The following DOP1A variants were observed in gnomAD, a reference collection of about 807,000 sequenced individuals.
DOP1A encodes DOP1 leucine zipper like protein A.
In DOP1A, 90 loss-of-function variants were observed where a neutral mutation model predicts 267.6. The observed-to-expected ratio is 0.34, with a 90% CI of 0.28 to 0.40. The LOEUF (loss-of-function observed/expected upper bound fraction) is 0.40. Among genes scored for constraint, DOP1A ranks in the 10% least tolerant of loss-of-function variants. DOP1A has a pLI of 1.00. For synonymous variants in DOP1A, 932 were observed against 999.1 expected (o/e 0.93, Z 1.27); for missense variants, 2,437 against 2,900.4 (o/e 0.84, Z 3.67).
At chr6:83,106,502 A>C (rs992741623) in intron 4 of DOP1A, among the ~76,000 whole-genome samples, 3 of 152,130 alleles carry the variant, frequency 2.0e-5, no homozygotes, top group Non-Finnish European at 4.4e-5. Flanking sequence ...AATGAAAAAG[A>C]GTCAGAAATA....
chr6:83,068,562 CA>C (rs530253765), intron 1 of DOP1A, among the ~76,000 whole-genome samples: 8 of 151,536 alleles, frequency 5.3e-5, no homozygotes, highest in African/African-American at 1.7e-4. Flanking sequence ...CTAAAGCAGT[CA>C]AAAAAAATGA....
chr6:83,093,423 T>G (rs926597447), intron 1 of DOP1A, among the ~76,000 whole-genome samples: 1 of 152,236 alleles, frequency 6.6e-6, no homozygotes, highest in Admixed American at 6.5e-5. Flanking sequence ...GATTTGTAGC[T>G]TTTTTCAGTA....
intron 35 of DOP1A, 152 bp downstream of exon 35, chr6:83,157,470 A>T: frequency 1.2e-6 from 1 of 824,160 alleles, no homozygotes; most frequent in Non-Finnish European, 1.9e-6. Flanking sequence ...AAATAGTAAA[A>T]CAAGTCAGAT....
chr6:83,132,118 TA>T lies in DOP1A; in HGVS notation c.2617-57del. ...GCATTCATTTGTACCTAATAGGAAA[TA>T]TTTGTTAAATTTTCATGTATGGTAT... On this transcript the variant is annotated intron_variant, in intron 17 of 38. Coordinates refer to ENST00000349129, the MANE Select transcript of DOP1A (RefSeq NM_015018.4). 3.8e-6 allele frequency: 6 copies of T among 1,563,768 alleles called. No individual in the cohort carries two copies. The South Asian group carries it at 6.9e-5, about 18-fold the overall frequency.
chr6:83,144,960 C>A (rs688683), intron 24 of DOP1A, among the ~76,000 whole-genome samples: 31,141 of 147,064 alleles, frequency 0.21, 3,402 homozygotes, highest in Non-Finnish European at 0.24. Flanking sequence ...AAAAAATTAT[C>A]TGGGCATAGT....
chr6:83,091,487 TA>T (rs965281376), intron 1 of DOP1A, among the ~76,000 whole-genome samples: 2 of 151,934 alleles, frequency 1.3e-5, no homozygotes, highest in East Asian at 1.9e-4. Context: ...ATTTATTGCC[TA>T]AAAAAAAGTA....
At chr6:83,105,949 C>T (rs1773536862) in intron 4 of DOP1A, among the ~76,000 whole-genome samples, 1 of 152,096 alleles carries the variant, frequency 6.6e-6, no homozygotes, top group Admixed American at 6.5e-5. Flanking sequence ...ATCTAGAATA[C>T]CATTTCTAAA....
intron 38 of DOP1A, chr6:83,166,741 A>G (rs564669438): frequency 1.8e-6 from 2 of 1,138,326 alleles, no homozygotes; most frequent in South Asian, 3.8e-5. Context: ...GAGAGCACAT[A>G]GAAGAAAATA....
rs1240590089 is a variant in DOP1A at position 83,118,974 on chromosome 6, T to C, written c.867T>C (p.Tyr289=). Residue 289 remains tyrosine (Y), a synonymous_variant, in exon 8 of 39, where the codon TAT becomes TAC. Coordinates refer to ENST00000349129, the MANE Select transcript of DOP1A (RefSeq NM_015018.4). ...ATATGTCTCTGAATCGAAGACTTTATGCATGGCTTCTTGGTAGGTATTTGA... is the reference window on the plus strand; with the variant it reads ...ATATGTCTCTGAATCGAAGACTTTACGCATGGCTTCTTGGTAGGTATTTGA... The part of the protein sequence containing the change: ...RRDMSLNRRL[Y]AWLLGFDNNG... The C allele has an allele frequency of 1.9e-6, 3 of 1,613,438 alleles. No individual in the cohort carries two copies. Among genetic ancestry groups the C allele is most frequent in the Admixed American group, 3.3e-5 (2 of 59,988 alleles).
intron 37 of DOP1A, chr6:83,161,270 A>G (rs1268695733): frequency 6.6e-6 from 1 of 152,314 alleles, no homozygotes; most frequent in East Asian, 1.9e-4. Flanking sequence ...ACATGCCGTT[A>G]TATTAATTAG....
chr6:83,101,924 TATTA>T lies in DOP1A; in HGVS notation c.320+1043_320+1046del, dbSNP rs563938365. 1.1e-3 allele frequency among the ~76,000 whole-genome samples: 172 copies of T among 152,264 alleles called. 1 individual carries two copies. Among genetic ancestry groups the T allele is most frequent in the African/African-American group, 3.9e-3 (162 of 41,540 alleles). ...TTAGTAAAAATCCCAAATAAAATAT[TATTA>T]ATTATAGTCTTCATGTTGTACATTA... On this transcript the variant is annotated intron_variant, in intron 4 of 38. Transcript: ENST00000349129.
At chr6:83,106,555 A>G (rs1202187999) in intron 4 of DOP1A, among the ~76,000 whole-genome samples, 1 of 152,142 alleles carries the variant, frequency 6.6e-6, no homozygotes, top group Non-Finnish European at 1.5e-5. Context: ...CACGCCTGTA[A>G]TCCCAGCACT....
chr6:83,125,478 T>C (rs749817447), intron 14 of DOP1A, 22 bp from the exon 15 acceptor site: 23 of 1,606,732 alleles, frequency 1.4e-5, no homozygotes, highest in Non-Finnish European at 2.6e-6. Flanking sequence ...TTAAACTTTT[T>C]TCATTTCACT....
At chr6:83,110,460 A>G (rs1035478428) in intron 6 of DOP1A, 146 bp downstream of exon 6, 8 of 793,680 alleles carry the variant, frequency 1.0e-5, no homozygotes, top group Admixed American at 3.4e-5. Context: ...AGGCCAAAAT[A>G]ATAATTATTA....
intron 38 of DOP1A, among the ~76,000 whole-genome samples, chr6:83,163,449 T>G (rs1271213945): frequency 2.6e-5 from 4 of 152,128 alleles, no homozygotes; most frequent in Non-Finnish European, 5.9e-5. Flanking sequence ...AAAATATGAG[T>G]CAGATTTCAT....
intron 18 of DOP1A, among the ~76,000 whole-genome samples, chr6:83,132,929 T>A (rs1470183768): frequency 6.6e-6 from 1 of 152,176 alleles, no homozygotes; most frequent in Admixed American, 6.6e-5. Context: ...GTGGTCTTCC[T>A]GTGCTGCTCT....
chr6:83,130,047 T>G, intron 16 of DOP1A, 76 bp from the exon 17 acceptor site: 1 of 1,534,228 alleles, frequency 6.5e-7, no homozygotes, highest in Non-Finnish European at 8.8e-7. Context: ...AGTGGCTTTG[T>G]TTTTTGAAAT....
At chr6:83,139,476 T>G (rs955009359) in intron 21 of DOP1A, among the ~76,000 whole-genome samples, 1 of 152,190 alleles carries the variant, frequency 6.6e-6, no homozygotes, top group African/African-American at 2.4e-5. Context: ...TTCCCAGGTT[T>G]TGTCTGTTTT....
chr6:83,140,360 C>T lies in DOP1A; in HGVS notation c.5372C>T (p.Ala1791Val), dbSNP rs1779413997. 1.9e-6 allele frequency: 3 copies of T among 1,612,174 alleles called. No individual in the cohort carries two copies. The highest frequency in any genetic ancestry group is 2.5e-6 in the Non-Finnish European group (3 of 1,179,626). Residue 1791 changes from alanine (A) to valine (V), a missense_variant, in exon 23 of 39, where the codon GCC becomes GTC. This residue lies in a region of DOP1A where 307 missense variants were observed against 308.6 expected (regional missense o/e 0.99). Coordinates refer to ENST00000349129, the MANE Select transcript of DOP1A (RefSeq NM_015018.4). ...GATTCTTCAGAAAAGATGACTATTG[C>T]CGCATCCGCATCTCTTACCACTATT... is the stretch of plus-strand genomic sequence containing the variant. ...QADSSEKMTI[A>V]ASASLTTINL...
Sources: allele counts gnomAD v4.1 joint callset (sites outside exome capture counted in the v4.1 genomes callset), GRCh38; gene constraint gnomAD v4.1.1; regional missense constraint gnomAD v4.1.1; transcripts MANE v1.5; gene names NCBI Gene and HGNC (gene_info 2026-07-23, HGNC 2026-07-21).